SLC12A1: variants seen among roughly 807,000 people sequenced by gnomAD.
The protein encoded by SLC12A1 is Na-K-2Cl cotransporter.
In SLC12A1, 89 loss-of-function variants were observed where a neutral mutation model predicts 130.4. That is an observed-to-expected ratio of 0.68 (90% CI 0.58 to 0.81). SLC12A1 has a LOEUF of 0.81. Ranked by LOEUF, SLC12A1 falls within the 40% of genes least tolerant of loss-of-function variation. SLC12A1 has a pLI of 0.00. For synonymous variants in SLC12A1, 499 were observed against 460.0 expected, an observed-to-expected ratio of 1.08 and a Z score of -1.09; for missense variants, 1,310 against 1,336.4, an observed-to-expected ratio of 0.98 and a Z score of 0.31.
At chr15:48,259,540 G>T (rs1233745733) in intron 17 of SLC12A1, among the ~76,000 whole-genome samples, 2 of 152,184 alleles carry the variant, frequency 1.3e-5, no homozygotes, top group Admixed American at 6.5e-5. Flanking sequence ...AACTAAAAGT[G>T]ACAAATATTT....
chr15:48,224,631 C>T (rs1597404194), intron 4 of SLC12A1: 1 of 144,808 alleles, frequency 6.9e-6, no homozygotes. Flanking sequence ...CTTTGTCAGG[C>T]TGATAAGCAT....
chr15:48,235,320 G>C, intron 9 of SLC12A1: 1 of 295,672 alleles, frequency 3.4e-6, no homozygotes, highest in Non-Finnish European at 6.4e-6. Flanking sequence ...AAACCCAAAT[G>C]AATAGGAATA....
chr15:48,211,535 T>C (rs1227110794), intron 2 of SLC12A1, among the ~76,000 whole-genome samples: 1 of 152,186 alleles, frequency 6.6e-6, no homozygotes, highest in African/African-American at 2.4e-5. Flanking sequence ...AGATTTTGTA[T>C]GCAAAAAATA....
chr15:48,239,703 T>G (rs2041480257), intron 9 of SLC12A1, among the ~76,000 whole-genome samples: 1 of 151,760 alleles, frequency 6.6e-6, no homozygotes, highest in African/African-American at 2.4e-5. Flanking sequence ...CTGGCTGGAG[T>G]GCGGTGGCAC....
rs71120609 is a variant in SLC12A1, at chr15:48,220,131, GTAGATAGATAGATAGATAGA to G, written c.421-468_421-449del. Among the ~76,000 whole-genome samples the G allele has an allele frequency of 2.7e-3, 286 of 105,762 alleles. 10 individuals are homozygous for G. The East Asian group carries it at 0.06, about 22-fold the overall frequency. The allele number at this position is 105,762 out of a possible 152,430, so 69.4% of individuals were successfully genotyped here. ...CTCAAAAAAAAAAAAAAAAAAAAAG[GTAGATAGATAGATAGATAGA>G]TAGATAGATAGATAGATAGATAGAT... On this transcript the variant is annotated intron_variant, in intron 2 of 26. Transcript: ENST00000380993.
intron 24 of SLC12A1, among the ~76,000 whole-genome samples, chr15:48,295,610 GAATT>G (rs1026037062): frequency 2.0e-5 from 3 of 152,128 alleles, no homozygotes; most frequent in African/African-American, 7.2e-5. Context: ...GGAATAAAGA[GAATT>G]AATTTTTTTG....
chr15:48,244,930 C>A, intron 11 of SLC12A1, 26 bp downstream of exon 11: 1 of 1,608,270 alleles, frequency 6.2e-7, no homozygotes, highest in Non-Finnish European at 8.5e-7. Context: ...CAAAAATGTT[C>A]ACTGCTATTA....
chr15:48,217,401 C>A (rs537972256), intron 2 of SLC12A1, among the ~76,000 whole-genome samples: 1 of 152,218 alleles, frequency 6.6e-6, no homozygotes, highest in South Asian at 2.1e-4. Context: ...CTATGTTAGC[C>A]TCAATTTTTT....
chr15:48,287,279 A>G (rs7179027), intron 21 of SLC12A1, among the ~76,000 whole-genome samples: 41,955 of 152,014 alleles, frequency 0.28, 6,695 homozygotes, highest in African/African-American at 0.43. Context: ...GGTAGAAATC[A>G]CATTTAAAAA....
intron 13 of SLC12A1, among the ~76,000 whole-genome samples, chr15:48,249,173 C>A (rs148921556): frequency 6.6e-6 from 1 of 152,264 alleles, no homozygotes; most frequent in East Asian, 1.9e-4. Flanking sequence ...GAGATTTCAA[C>A]TGGGGAGTTT....
At chr15:48,239,408 G>A (rs1444825642) in intron 9 of SLC12A1, among the ~76,000 whole-genome samples, 4 of 151,946 alleles carry the variant, frequency 2.6e-5, no homozygotes, top group Non-Finnish European at 5.9e-5. Context: ...CACCTACTTG[G>A]AAGGCTGAGG....
intron 9 of SLC12A1, chr15:48,235,359 A>C: frequency 3.3e-6 from 1 of 298,716 alleles, no homozygotes; most frequent in Non-Finnish European, 6.4e-6. Context: ...AAAAAAACAA[A>C]ACAAAACAAA....
intron 16 of SLC12A1, among the ~76,000 whole-genome samples, chr15:48,257,017 G>C (rs1319994874): frequency 1.3e-5 from 2 of 152,080 alleles, no homozygotes; most frequent in African/African-American, 2.4e-5. Flanking sequence ...GATACAATGG[G>C]GATACAGGCA....
rs1355483337 is a variant in SLC12A1, at chr15:48,299,240, A to T, written c.3061A>T (p.Ile1021Phe). The change falls in exon 25 of 27, where the codon ATT (isoleucine) becomes TTT (phenylalanine). Residue 1021 changes from isoleucine to phenylalanine, a missense_variant. Ile to Phe is a conservative substitution (Grantham distance 21, BLOSUM62 0). Coordinates refer to ENST00000380993, the MANE Select transcript of SLC12A1 (RefSeq NM_000338.3). ...ATTAAAAAGAGAAACTCCGTGGAAA[A>T]TTACAGATGCAGAACTGGAAGCAGT... ...EKLKRETPWK[I>F]TDAELEAVKE... The T allele has an allele frequency of 1.2e-6, 2 of 1,608,138 alleles. No homozygotes were observed. Among genetic ancestry groups the T allele is most frequent in the African/African-American group, 2.7e-5 (2 of 74,538 alleles).
Position 48,303,124 on chromosome 15 carries a change from G to T in SLC12A1, c.*239G>T. 3.2e-6 allele frequency: 1 copy of T among 311,916 alleles called. No homozygotes were observed. The highest frequency in any genetic ancestry group is 9.7e-5 in the South Asian group (1 of 10,298). 19.3% of individuals were successfully genotyped at this position (311,916 alleles called of 1,614,324 possible). A position where few individuals can be genotyped will look rare whatever the true frequency, so the allele number is the denominator to read the frequency against. ...GAAAAACATTTTTGTCACTGCTGTT[G>T]ATAAACAAGAAAATCAAGGAAACTC... is the stretch of plus-strand genomic sequence containing the variant. On this transcript the variant is annotated 3_prime_UTR_variant, in exon 27 of 27. Coordinates refer to ENST00000380993, the MANE Select transcript of SLC12A1 (RefSeq NM_000338.3).
intron 9 of SLC12A1, among the ~76,000 whole-genome samples, chr15:48,237,522 T>A (rs369782432): frequency 9.2e-5 from 14 of 152,282 alleles, no homozygotes; most frequent in African/African-American, 3.1e-4. Context: ...TACTGAGAAA[T>A]CCCTGATGCT....
intron 12 of SLC12A1, 29 bp from the exon 13 acceptor site, chr15:48,247,308 G>A (rs763274675): frequency 1.3e-6 from 2 of 1,593,268 alleles, no homozygotes; most frequent in South Asian, 1.2e-5. Context: ...AGCTATAAAT[G>A]ACAAATTTCT....
chr15:48,246,991 T>G lies in SLC12A1; in HGVS notation c.1535T>G (p.Leu512Arg). Reference protein sequence around the residue: ...SATLSSALASLVSAPKVFQAL... With the variant: ...SATLSSALASRVSAPKVFQAL... ...ACACTCTCCTCCGCCCTGGCCTCCC[T>G]TGTCAGCGCACCCAAAGTGTTCCAG... is the stretch of plus-strand genomic sequence containing the variant. Residue 512 changes from leucine (L) to arginine (R), a missense_variant, in exon 12 of 27, where the codon CTT (leucine) becomes CGT (arginine). Transcript: ENST00000380993. The G allele has an allele frequency of 5.6e-6, 9 of 1,613,878 alleles. No homozygotes were observed. Among genetic ancestry groups the G allele is most frequent in the Non-Finnish European group, 7.6e-6 (9 of 1,179,806 alleles).
At chr15:48,234,415 A>G (rs918421474) in intron 8 of SLC12A1, among the ~76,000 whole-genome samples, 1 of 152,186 alleles carries the variant, frequency 6.6e-6, no homozygotes, top group Admixed American at 6.5e-5. Flanking sequence ...GCTCCTCAGG[A>G]GTACACCACA....
Sources: gnomAD v4.1 joint callset for allele counts (sites outside exome capture counted in the v4.1 genomes callset) on GRCh38, gnomAD v4.1.1 for gene constraint, MANE v1.5 for transcripts, NCBI Gene and HGNC (gene_info 2026-07-23, HGNC 2026-07-21) for gene names.